ADAMTS6: variants seen among roughly 807,000 people sequenced by gnomAD.
ADAMTS6 encodes the protein A disintegrin and metalloproteinase with thrombospondin motifs 6.
Under a neutral mutation model 144.3 loss-of-function variants are expected in ADAMTS6, and 23 were observed. The ratio of observed to expected loss-of-function variants is 0.16; its 90% CI spans 0.11 to 0.23. ADAMTS6 has a LOEUF of 0.23. ADAMTS6 is among the 10% of genes least tolerant of loss of function. The pLI is 1.00. For missense variants in ADAMTS6, 999 were observed against 1,379.6 expected, an observed-to-expected ratio of 0.72 and a Z score of 4.37; for synonymous variants, 444 against 457.5, an observed-to-expected ratio of 0.97 and a Z score of 0.38.
chr5:65,240,219 C>T (rs1297939789), intron 15 of ADAMTS6, among the ~76,000 whole-genome samples: 2 of 152,036 alleles, frequency 1.3e-5, no homozygotes, highest in African/African-American at 2.4e-5. Context: ...ATTCTCCCGC[C>T]TCAGCCTCCC....
chr5:65,478,138 C>G (rs1483187700), intron 1 of ADAMTS6, among the ~76,000 whole-genome samples: 3 of 151,496 alleles, frequency 2.0e-5, no homozygotes, highest in African/African-American at 7.3e-5. Flanking sequence ...AAAAAAAAAC[C>G]AAACAAACAA....
chr5:65,422,939 G>A (rs930327939), intron 7 of ADAMTS6, among the ~76,000 whole-genome samples: 1 of 152,010 alleles, frequency 6.6e-6, no homozygotes, highest in Non-Finnish European at 1.5e-5. Context: ...AAGAAAATGC[G>A]ATATATACAC....
At chr5:65,447,144 A>T (rs1310564611) in intron 7 of ADAMTS6, among the ~76,000 whole-genome samples, 1 of 152,182 alleles carries the variant, frequency 6.6e-6, no homozygotes, top group South Asian at 2.1e-4. Context: ...CATTGATGCA[A>T]ATATACTCCA....
chr5:65,376,643 C>A (rs1751581160), intron 7 of ADAMTS6, among the ~76,000 whole-genome samples: 1 of 151,970 alleles, frequency 6.6e-6, no homozygotes, highest in Admixed American at 6.6e-5. Context: ...CTATCCTGAG[C>A]AATGTGACAA....
chr5:65,187,923 T>G, intron 22 of ADAMTS6, 93 bp downstream of exon 22: 1 of 1,271,714 alleles, frequency 7.9e-7, no homozygotes, highest in East Asian at 2.3e-5. Context: ...CTTGTTGAGT[T>G]CTAAGATGTT....
chr5:65,382,188 CA>C (rs1198475781), intron 7 of ADAMTS6, among the ~76,000 whole-genome samples: 1 of 152,052 alleles, frequency 6.6e-6, no homozygotes, highest in Non-Finnish European at 1.5e-5. Flanking sequence ...AATAAAAAGC[CA>C]AAATGGTATT....
In ADAMTS6 at chr5:65,160,024, T is replaced by C. The variant is rs537376182; in HGVS notation, c.3245-8079A>G. Reference sequence around the variant, plus strand: ...TTGAAACTTCTAATTTTTTTCATAATGAAATACTGATAGGAGGGAGACCAT... The same window carrying C: ...TTGAAACTTCTAATTTTTTTCATAACGAAATACTGATAGGAGGGAGACCAT... On this transcript the variant is annotated intron_variant, in intron 24 of 24. Transcript: ENST00000381055. Among the ~76,000 whole-genome samples, 4 of 152,352 alleles carry C rather than the reference T, an allele frequency of 2.6e-5. No homozygotes were observed. The East Asian group carries it at 7.7e-4, about 29-fold the overall frequency.
At chr5:65,158,321 T>C (rs973145506) in intron 24 of ADAMTS6, among the ~76,000 whole-genome samples, 61 of 152,302 alleles carry the variant, frequency 4.0e-4, no homozygotes, top group African/African-American at 1.4e-3. Context: ...CCCAGAGCTA[T>C]TTACATGAGG....
intron 7 of ADAMTS6, among the ~76,000 whole-genome samples, chr5:65,403,359 T>G (rs11957323): frequency 0.2 from 31,135 of 151,918 alleles, 4,639 homozygotes; most frequent in African/African-American, 0.43. Flanking sequence ...ATACTATCTA[T>G]ATAATTATGT....
chr5:65,195,659 T>C (rs1177709041), intron 21 of ADAMTS6, among the ~76,000 whole-genome samples: 1 of 152,236 alleles, frequency 6.6e-6, no homozygotes, highest in Non-Finnish European at 1.5e-5. Flanking sequence ...GTATTTTAAC[T>C]TCCATGTTTA....
chr5:65,213,488 T>A (rs1307898500), intron 20 of ADAMTS6, among the ~76,000 whole-genome samples: 13 of 151,932 alleles, frequency 8.6e-5, no homozygotes, highest in Admixed American at 8.5e-4. Flanking sequence ...CAAAAATTTT[T>A]AAAATTAGCC....
intron 18 of ADAMTS6, 60 bp from the exon 19 acceptor site, chr5:65,215,547 G>T: frequency 6.9e-7 from 1 of 1,451,046 alleles, no homozygotes; most frequent in South Asian, 1.3e-5. Flanking sequence ...AAGTGTCACT[G>T]ATTAATTACT....
intron 7 of ADAMTS6, among the ~76,000 whole-genome samples, chr5:65,407,096 C>T (rs1024952299): frequency 3.9e-5 from 6 of 152,064 alleles, no homozygotes; most frequent in African/African-American, 1.4e-4. Context: ...CCCAACCTAG[C>T]AAGGCAAGCC....
chr5:65,220,916 T>C (rs1351588069), intron 18 of ADAMTS6, among the ~76,000 whole-genome samples: 11 of 152,122 alleles, frequency 7.2e-5, no homozygotes, highest in African/African-American at 2.7e-4. Context: ...AGAAGAGCCA[T>C]TGTTACAGAT....
chr5:65,320,031 C>T (rs1025743694), intron 9 of ADAMTS6, among the ~76,000 whole-genome samples: 3 of 151,956 alleles, frequency 2.0e-5, no homozygotes, highest in Non-Finnish European at 4.4e-5. Flanking sequence ...TTAGTAGAGA[C>T]GGGGTTTCTC....
intron 20 of ADAMTS6, among the ~76,000 whole-genome samples, chr5:65,211,981 C>T (rs543928768): frequency 2.0e-4 from 30 of 152,224 alleles, no homozygotes; most frequent in African/African-American, 6.7e-4. Context: ...ACACGGATTC[C>T]ACGTGTCTAG....
chr5:65,162,620 T>TACACACACACACAC (rs10529076), intron 24 of ADAMTS6, among the ~76,000 whole-genome samples: 6 of 145,936 alleles, frequency 4.1e-5, no homozygotes, highest in African/African-American at 1.0e-4. Context: ...TATAAGATAC[T>TACACACACACACAC]ACACACACAC....
At position 65,214,685 on chromosome 5, in the gene ADAMTS6, C is replaced by T; in HGVS notation, c.2575+109G>A. ...TGCTAAATTACAGCTTGAAGCAAAC[C>T]TGCAAGAAATGTTTCCAATTAGCTT... is the stretch of plus-strand genomic sequence containing the variant. On this transcript the variant is annotated intron_variant, in intron 20 of 24. Transcript: ENST00000381055. The surrounding 1 kb of genome is among the most constrained non-coding windows in gnomAD (Gnocchi z 4.6). The T allele has an allele frequency of 6.5e-7, 1 of 1,528,464 alleles. No homozygotes were observed. The highest frequency in any genetic ancestry group is 9.0e-7 in the Non-Finnish European group (1 of 1,111,174). The allele number at this position is 1,528,464 out of a possible 1,614,324, so 94.7% of individuals were successfully genotyped here.
At chr5:65,384,936 A>T (rs1429053529) in intron 7 of ADAMTS6, among the ~76,000 whole-genome samples, 1 of 152,208 alleles carries the variant, frequency 6.6e-6, no homozygotes, top group African/African-American at 2.4e-5. Flanking sequence ...GTGGTGTCTG[A>T]TAAGGGTTTT....
Sources: allele counts gnomAD v4.1 joint callset (sites outside exome capture counted in the v4.1 genomes callset), GRCh38; gene constraint gnomAD v4.1.1; non-coding constraint Gnocchi (gnomAD v3.1); transcripts MANE v1.5; gene names NCBI Gene and HGNC (gene_info 2026-07-23, HGNC 2026-07-21).